The following ASTN2 variants were observed in gnomAD, a reference collection of about 807,000 sequenced individuals.
ASTN2 encodes astrotactin-2.
In ASTN2, 54 loss-of-function variants were observed where a neutral mutation model predicts 139.8. That is an observed-to-expected ratio of 0.39 (90% confidence interval 0.31 to 0.48). ASTN2 has a LOEUF of 0.48. ASTN2 is among the 20% of genes least tolerant of loss of function. The pLI is 0.95. For synonymous variants in ASTN2, 756 were observed against 719.5 expected (o/e 1.05, Z -0.81); for missense variants, 1,565 against 1,725.1 (o/e 0.91, Z 1.64).
chr9:116,509,005 T>TTA (rs1554773411), intron 19 of ASTN2, among the ~76,000 whole-genome samples: 2 of 152,008 alleles, frequency 1.3e-5, no homozygotes, highest in African/African-American at 4.8e-5. Flanking sequence ...CTGAATTTTT[T>TTA]TATATATATA....
intron 9 of ASTN2, among the ~76,000 whole-genome samples, 166 bp downstream of exon 9, chr9:116,975,948 T>G (rs1329829383): frequency 6.6e-6 from 1 of 152,192 alleles, no homozygotes; most frequent in African/African-American, 2.4e-5. Context: ...TAGATTCCCA[T>G]AGCAACCTGC....
chr9:116,476,486 G>A (rs754034089), intron 20 of ASTN2, among the ~76,000 whole-genome samples: 2 of 152,038 alleles, frequency 1.3e-5, no homozygotes, highest in African/African-American at 2.4e-5. Context: ...ACGGTCCCTG[G>A]AGCATGATAT....
At chr9:116,811,434 A>T (rs913995598) in intron 12 of ASTN2, among the ~76,000 whole-genome samples, 3 of 152,232 alleles carry the variant, frequency 2.0e-5, no homozygotes, top group Admixed American at 1.3e-4. Flanking sequence ...TCCAAAATAG[A>T]TAATTTGTTT....
intron 19 of ASTN2, among the ~76,000 whole-genome samples, chr9:116,534,711 C>T (rs1348931863): frequency 6.6e-6 from 1 of 152,190 alleles, no homozygotes. Context: ...TTTGATTGCA[C>T]TGTGTTCTGA....
intron 19 of ASTN2, among the ~76,000 whole-genome samples, chr9:116,491,820 C>A (rs1287348124): frequency 1.3e-5 from 2 of 152,182 alleles, no homozygotes; most frequent in Non-Finnish European, 2.9e-5. Context: ...GGCAACCATA[C>A]AATTGAATGA....
intron 10 of ASTN2, among the ~76,000 whole-genome samples, chr9:116,929,552 AT>A (rs1834843956): frequency 6.6e-6 from 1 of 152,054 alleles, no homozygotes; most frequent in Non-Finnish European, 1.5e-5. Context: ...ATCTTGGAAT[AT>A]TTTGCACGTA....
rs181058611 is a variant in ASTN2 at position 116,488,208 on chromosome 9, T to C, written c.3356-708A>G. 2.3e-3 allele frequency among the ~76,000 whole-genome samples: 349 copies of C among 152,308 alleles called. 2 individuals are homozygous for C. Among genetic ancestry groups the C allele is most frequent in the South Asian group, 8.3e-3 (40 of 4,832 alleles). On this transcript the variant is annotated intron_variant, in intron 19 of 22. Coordinates refer to ENST00000313400, the MANE Select transcript of ASTN2 (RefSeq NM_001365068.1). The stretch of plus-strand genomic sequence containing the variant: ...TTTAATTTACTTTAAATCTAACCAT[T>C]GGATTTTAAGAAGTAGTGGAAGTTT...
At chr9:116,607,222 T>A (rs1198219371) in intron 19 of ASTN2, among the ~76,000 whole-genome samples, 5 of 152,296 alleles carry the variant, frequency 3.3e-5, no homozygotes, top group African/African-American at 1.2e-4. Flanking sequence ...CATGAATGTG[T>A]CTAACCATAT....
intron 14 of ASTN2, among the ~76,000 whole-genome samples, chr9:116,732,608 C>A (rs1368534574): frequency 6.6e-6 from 1 of 152,122 alleles, no homozygotes; most frequent in Non-Finnish European, 1.5e-5. Context: ...TCGAGAACCT[C>A]ACATCTTAGG....
chr9:117,102,807 T>A (rs1829012795), intron 4 of ASTN2, among the ~76,000 whole-genome samples: 1 of 152,028 alleles, frequency 6.6e-6, no homozygotes, highest in South Asian at 2.1e-4. Context: ...CAGGCGTGAG[T>A]AACCGTGCCT....
At chr9:117,281,638 C>T (rs564898914) in intron 2 of ASTN2, among the ~76,000 whole-genome samples, 1 of 152,306 alleles carries the variant, frequency 6.6e-6, no homozygotes, top group East Asian at 1.9e-4. Context: ...AAATGTGGAA[C>T]AGGAGGCTGG....
At chr9:117,308,086 G>T (rs1316262680) in intron 1 of ASTN2, among the ~76,000 whole-genome samples, 1 of 152,104 alleles carries the variant, frequency 6.6e-6, no homozygotes, top group Admixed American at 6.6e-5. Context: ...CTGACACATG[G>T]CAGAAAAAGG....
intron 10 of ASTN2, among the ~76,000 whole-genome samples, chr9:116,957,618 C>T (rs960574985): frequency 1.1e-4 from 17 of 152,326 alleles, no homozygotes; most frequent in South Asian, 4.1e-4. Context: ...TTATTTTGTA[C>T]GGTGCCTCTC....
intron 2 of ASTN2, among the ~76,000 whole-genome samples, chr9:117,287,512 C>T (rs964049512): frequency 2.0e-5 from 3 of 152,134 alleles, no homozygotes; most frequent in Admixed American, 6.5e-5. Flanking sequence ...TGCCACTTAA[C>T]CTTTGTGTGA....
At chr9:116,744,147 A>G (rs1829172382) in intron 13 of ASTN2, among the ~76,000 whole-genome samples, 1 of 152,110 alleles carries the variant, frequency 6.6e-6, no homozygotes, top group Admixed American at 6.5e-5. Context: ...AGCATGCACA[A>G]AAGTCCATAG....
rs571842124 is a variant in ASTN2, at chr9:116,759,243, A to G, written c.2397-25720T>C. Among the ~76,000 whole-genome samples the G allele has an allele frequency of 1.3e-3, 201 of 152,330 alleles. 1 individual carries two copies. The highest frequency in any genetic ancestry group is 0.01 in the Middle Eastern group (3 of 294). ...GGTATGGGCCCAGTTTGTGCTGGAT[A>G]AATGGATGACTGAAGCATTCAGAAG... On this transcript the variant is annotated intron_variant, in intron 13 of 22. Coordinates refer to ENST00000313400, the MANE Select transcript of ASTN2 (RefSeq NM_001365068.1).
intron 1 of ASTN2, among the ~76,000 whole-genome samples, chr9:117,378,387 A>G (rs1162680838): frequency 6.6e-6 from 1 of 152,184 alleles, no homozygotes; most frequent in Non-Finnish European, 1.5e-5. Flanking sequence ...ATACCTGGGA[A>G]TAATGTGTTG....
intron 20 of ASTN2, among the ~76,000 whole-genome samples, chr9:116,475,089 A>C (rs1395584533): frequency 6.6e-6 from 1 of 152,132 alleles, no homozygotes; most frequent in Admixed American, 6.5e-5. Context: ...TTCCCAAATT[A>C]ATGATCTGCT....
At chr9:117,295,592 CATAT>C (rs139721336) in intron 1 of ASTN2, among the ~76,000 whole-genome samples, 1 of 150,138 alleles carries the variant, frequency 6.7e-6, no homozygotes, top group Non-Finnish European at 1.5e-5. Context: ...ATGCTTAATG[CATAT>C]ATATATATAT....
Sources: allele counts gnomAD v4.1 joint callset (sites outside exome capture counted in the v4.1 genomes callset), GRCh38; gene constraint gnomAD v4.1.1; transcripts MANE v1.5; gene names NCBI Gene and HGNC (gene_info 2026-07-23, HGNC 2026-07-21).